OSBPL10: variants seen among roughly 807,000 people sequenced by gnomAD.
OSBPL10 encodes oxysterol binding protein like 10.
A neutral mutation model predicts 81.7 loss-of-function variants in OSBPL10; 49 were observed. The ratio of observed to expected loss-of-function variants is 0.60; its 90% CI spans 0.48 to 0.76. The LOEUF (loss-of-function observed/expected upper bound fraction) is 0.76. Among genes scored for constraint, OSBPL10 ranks in the 30% least tolerant of loss-of-function variants. The pLI is 0.00. For synonymous variants in OSBPL10, 419 were observed against 383.6 expected, an observed-to-expected ratio of 1.09 and a Z score of -1.08; for missense variants, 923 against 987.8, an observed-to-expected ratio of 0.93 and a Z score of 0.88.
intron 1 of OSBPL10, among the ~76,000 whole-genome samples, chr3:31,967,881 G>T (rs1485099440): frequency 2.0e-5 from 3 of 152,180 alleles, no homozygotes; most frequent in African/African-American, 7.2e-5. Flanking sequence ...TAGAAGACTA[G>T]AATTAAGGCA....
chr3:31,935,290 C>G (rs1490892594), intron 1 of OSBPL10, among the ~76,000 whole-genome samples: 1 of 152,078 alleles, frequency 6.6e-6, no homozygotes, highest in African/African-American at 2.4e-5. Context: ...GACCATTTAT[C>G]TTAGAAATTC....
chr3:31,766,390 T>A (rs1575530450), intron 4 of OSBPL10, among the ~76,000 whole-genome samples: 1 of 142,092 alleles, frequency 7.0e-6, no homozygotes, highest in East Asian at 2.3e-4. Flanking sequence ...CCACCCAAGC[T>A]AGAGTGCAGT....
At chr3:31,715,987 A>C (rs980767745) in intron 6 of OSBPL10, among the ~76,000 whole-genome samples, 1 of 152,168 alleles carries the variant, frequency 6.6e-6, no homozygotes, top group African/African-American at 2.4e-5. Context: ...CCTGAACTCT[A>C]CGGCAGGGAC....
chr3:31,941,427 A>C (rs1315064633), intron 1 of OSBPL10, among the ~76,000 whole-genome samples: 1 of 152,230 alleles, frequency 6.6e-6, no homozygotes, highest in Non-Finnish European at 1.5e-5. Flanking sequence ...CAGTTGATTT[A>C]AGCAGAGGCA....
chr3:32,041,255 C>G (rs887092877), intron 2 of OSBPL10, among the ~76,000 whole-genome samples: 12 of 152,288 alleles, frequency 7.9e-5, no homozygotes, highest in African/African-American at 2.9e-4. Context: ...GATGGAATGT[C>G]TCAAAAGGAA....
intron 5 of OSBPL10, among the ~76,000 whole-genome samples, chr3:31,740,048 T>C (rs1210175890): frequency 5.6e-5 from 3 of 53,208 alleles, no homozygotes; most frequent in African/African-American, 1.2e-4. Context: ...AATAATACTT[T>C]TTTTTTTTTT....
intron 3 of OSBPL10, among the ~76,000 whole-genome samples, chr3:31,861,591 T>C (rs539631606): frequency 2.0e-5 from 3 of 152,200 alleles, no homozygotes; most frequent in South Asian, 4.1e-4. Flanking sequence ...GCTTGTATCA[T>C]TGTTCAAAAA....
intron 6 of OSBPL10, among the ~76,000 whole-genome samples, chr3:31,717,419 G>A (rs1575496676): frequency 1.3e-5 from 2 of 152,074 alleles, no homozygotes; most frequent in African/African-American, 4.8e-5. Context: ...TCTGGTATAC[G>A]CCTATTCCGT....
intron 1 of OSBPL10, among the ~76,000 whole-genome samples, chr3:31,906,363 A>C (rs578097693): frequency 2.0e-5 from 3 of 152,172 alleles, no homozygotes; most frequent in African/African-American, 7.2e-5. Flanking sequence ...TTCCTTTGAC[A>C]TTATATCACT....
intron 7 of OSBPL10, among the ~76,000 whole-genome samples, chr3:31,693,024 G>A (rs1695602020): frequency 6.6e-6 from 1 of 152,228 alleles, no homozygotes; most frequent in African/African-American, 2.4e-5. Flanking sequence ...GGGAAGCCAG[G>A]TCTCCACTCT....
intron 1 of OSBPL10, among the ~76,000 whole-genome samples, chr3:31,947,951 G>A (rs1248247916): frequency 8.6e-5 from 13 of 151,694 alleles, no homozygotes; most frequent in Non-Finnish European, 1.5e-4. Flanking sequence ...GTGCTGCCAG[G>A]AAGCAGGGGA....
In OSBPL10 at chr3:31,661,912, T is replaced by G; in HGVS notation, c.*160A>C. The stretch of plus-strand genomic sequence containing the variant: ...ATAAATTCATTCCTCTAGCAGAGTG[T>G]GGGGGTGCACTTTTCATAGTATATA... On this transcript the variant is annotated 3_prime_UTR_variant, in exon 12 of 12. Transcript: ENST00000396556. The G allele has an allele frequency of 9.6e-7, 1 of 1,042,416 alleles. No homozygotes were observed. The highest frequency in any genetic ancestry group is 1.6e-5 in the South Asian group (1 of 60,850). The allele number at this position is 1,042,416 out of a possible 1,614,324, so 64.6% of individuals were successfully genotyped here.
intron 4 of OSBPL10, among the ~76,000 whole-genome samples, chr3:31,813,813 A>G (rs1270788379): frequency 6.6e-6 from 1 of 152,194 alleles, no homozygotes; most frequent in Non-Finnish European, 1.5e-5. Context: ...TCATCTGTAC[A>G]GTGGGGATGA....
chr3:32,076,196 C>T (rs1429825508), intron 1 of OSBPL10, among the ~76,000 whole-genome samples: 6 of 152,008 alleles, frequency 3.9e-5, no homozygotes, highest in Non-Finnish European at 7.4e-5. Context: ...GGTGAAACCC[C>T]GTCTCTACTA....
chr3:32,027,304 C>T (rs750012529), intron 2 of OSBPL10, among the ~76,000 whole-genome samples: 20 of 151,982 alleles, frequency 1.3e-4, no homozygotes, highest in African/African-American at 1.7e-4. Context: ...CTTAAAAATG[C>T]GAATACTATA....
intron 6 of OSBPL10, among the ~76,000 whole-genome samples, chr3:31,708,352 C>T (rs1696137773): frequency 6.6e-6 from 1 of 152,200 alleles, no homozygotes; most frequent in African/African-American, 2.4e-5. Flanking sequence ...GCATATTTAA[C>T]CAAATTATCA....
chr3:31,930,939 A>G (rs1344272599), intron 1 of OSBPL10, among the ~76,000 whole-genome samples: 1 of 144,852 alleles, frequency 6.9e-6, no homozygotes, highest in Non-Finnish European at 1.5e-5. Flanking sequence ...GCGTGAACCC[A>G]GGAGGCGGAG....
intron 4 of OSBPL10, among the ~76,000 whole-genome samples, chr3:31,755,419 T>C (rs902324046): frequency 6.6e-6 from 1 of 152,236 alleles, no homozygotes; most frequent in Non-Finnish European, 1.5e-5. Context: ...TTTTTGGTAA[T>C]AGAATCTATT....
intron 3 of OSBPL10, among the ~76,000 whole-genome samples, chr3:31,870,487 G>A (rs1701292836): frequency 6.6e-6 from 1 of 152,254 alleles, no homozygotes; most frequent in Non-Finnish European, 1.5e-5. Context: ...CCACCCAAGG[G>A]CTGAGGAGTG....
Sources: gnomAD v4.1 joint callset for allele counts (sites outside exome capture counted in the v4.1 genomes callset) on GRCh38, gnomAD v4.1.1 for gene constraint, MANE v1.5 for transcripts, NCBI Gene and HGNC (gene_info 2026-07-23, HGNC 2026-07-21) for gene names.